ELMO1: variants seen among roughly 807,000 people sequenced by gnomAD.
ELMO1 encodes the protein engulfment and cell motility protein 1.
In ELMO1, 26 loss-of-function variants were observed where a neutral mutation model predicts 98.9. That is an observed-to-expected ratio of 0.26 (90% CI 0.19 to 0.36). The LOEUF (loss-of-function observed/expected upper bound fraction) is 0.36, where lower values mean the gene tolerates loss of function less well. Among genes scored for constraint, ELMO1 ranks in the 10% least tolerant of loss-of-function variants. The pLI is 1.00. For missense variants in ELMO1, 627 were observed against 935.2 expected (o/e 0.67, Z 4.30); for synonymous variants, 346 against 346.0 (o/e 1.00, Z 0.00).
At chr7:37,313,406 G>A in intron 4 of ELMO1, among the ~76,000 whole-genome samples, 1 of 152,098 alleles carries the variant, frequency 6.6e-6, no homozygotes, top group African/African-American at 2.4e-5. Flanking sequence ...TGTATTTTTA[G>A]TAGAGACGGG....
At chr7:37,069,661 T>C (rs1466288555) in intron 15 of ELMO1, among the ~76,000 whole-genome samples, 1 of 152,170 alleles carries the variant, frequency 6.6e-6, no homozygotes, top group Non-Finnish European at 1.5e-5. Flanking sequence ...AGCTCAATCT[T>C]TGGAAGAAAT....
intron 15 of ELMO1, among the ~76,000 whole-genome samples, chr7:37,062,991 A>C (rs1479048931): frequency 1.2e-4 from 18 of 152,188 alleles, no homozygotes. Flanking sequence ...CAGAGAGGGA[A>C]TAACAGACAC....
chr7:37,009,022 A>G (rs1297349323), intron 16 of ELMO1, among the ~76,000 whole-genome samples: 2 of 152,250 alleles, frequency 1.3e-5, no homozygotes, highest in Non-Finnish European at 2.9e-5. Flanking sequence ...AAACACTGCT[A>G]CACACAGACA....
At chr7:37,285,661 A>G (rs1050012820) in intron 4 of ELMO1, among the ~76,000 whole-genome samples, 2 of 152,194 alleles carry the variant, frequency 1.3e-5, no homozygotes, top group Non-Finnish European at 2.9e-5. Flanking sequence ...CATTGCCATC[A>G]CTTGCAACCT....
chr7:37,317,948 T>C (rs1181221364), intron 2 of ELMO1, among the ~76,000 whole-genome samples: 1 of 152,158 alleles, frequency 6.6e-6, no homozygotes, highest in Non-Finnish European at 1.5e-5. Context: ...CAAATACATA[T>C]ACCTACTAAG....
At chr7:37,172,487 AT>A (rs1361201219) in intron 13 of ELMO1, among the ~76,000 whole-genome samples, 1 of 152,192 alleles carries the variant, frequency 6.6e-6, no homozygotes, top group African/African-American at 2.4e-5. Flanking sequence ...CTGCATTCCT[AT>A]CCAAAAGGCC....
At chr7:37,249,956 T>C (rs1795247556) in intron 6 of ELMO1, among the ~76,000 whole-genome samples, 1 of 152,084 alleles carries the variant, frequency 6.6e-6, no homozygotes, top group African/African-American at 2.4e-5. Context: ...GTGGCACCTG[T>C]AGTCCCTACC....
chr7:37,229,921 A>G (rs1038437127), intron 8 of ELMO1, among the ~76,000 whole-genome samples: 2 of 152,156 alleles, frequency 1.3e-5, no homozygotes, highest in African/African-American at 4.8e-5. Context: ...ATTAATTTCA[A>G]TGAATGAAAA....
chr7:37,130,196 A>AC (rs1421402321), intron 14 of ELMO1, among the ~76,000 whole-genome samples: 1 of 151,602 alleles, frequency 6.6e-6, no homozygotes, highest in Non-Finnish European at 1.5e-5. Flanking sequence ...TTGTCTCTTC[A>AC]CCCCCCACCC....
chr7:37,152,537 A>G (rs1050985981), intron 13 of ELMO1, among the ~76,000 whole-genome samples: 1 of 152,068 alleles, frequency 6.6e-6, no homozygotes, highest in Non-Finnish European at 1.5e-5. Flanking sequence ...TTGTACAGCA[A>G]TGATCAAATA....
At chr7:36,863,490 T>C (rs771443258) in intron 20 of ELMO1, among the ~76,000 whole-genome samples, 3 of 152,206 alleles carry the variant, frequency 2.0e-5, no homozygotes, top group Non-Finnish European at 4.4e-5. Flanking sequence ...AGAGATGCTA[T>C]GCCTGAGATA....
rs536949383 is a variant in ELMO1, at chr7:37,028,554, ATTTG to A, written c.1301-15123_1301-15120del. 1.6e-4 allele frequency among the ~76,000 whole-genome samples: 25 copies of A among 151,862 alleles called. 1 individual carries two copies. In the South Asian group the frequency reaches 5.0e-3, roughly 30 times the overall value. On this transcript the variant is annotated intron_variant, in intron 15 of 21. Transcript: ENST00000310758. ...AGACTTTTCATTTCAAGGACTACTTATTTGTTTATTGGTTTTATAAATCCTGCTC... is the reference window on the plus strand; with the variant it reads ...AGACTTTTCATTTCAAGGACTACTTATTTATTGGTTTTATAAATCCTGCTC...
chr7:37,420,300 C>A (rs1031387118), intron 1 of ELMO1, among the ~76,000 whole-genome samples: 2 of 152,228 alleles, frequency 1.3e-5, no homozygotes, highest in Non-Finnish European at 2.9e-5. Flanking sequence ...AGGGGAAAAA[C>A]ACATTTTATA....
chr7:37,031,367 T>C (rs1434075788), intron 15 of ELMO1, among the ~76,000 whole-genome samples: 1 of 152,076 alleles, frequency 6.6e-6, no homozygotes, highest in Non-Finnish European at 1.5e-5. Flanking sequence ...AAGAAGAAAA[T>C]TTTGCATTTG....
At chr7:36,880,910 C>T (rs113171820) in intron 18 of ELMO1, among the ~76,000 whole-genome samples, 5 of 152,310 alleles carry the variant, frequency 3.3e-5, no homozygotes, top group Admixed American at 1.3e-4. Context: ...GGGTCTGCAG[C>T]GGACAGATTT....
intron 4 of ELMO1, among the ~76,000 whole-genome samples, chr7:37,302,412 G>A (rs893572258): frequency 2.6e-5 from 4 of 151,942 alleles, no homozygotes; most frequent in Non-Finnish European, 1.5e-5. Context: ...GCTTCTGCTT[G>A]GTTCTCTTCA....
At chr7:37,381,182 G>C (rs945016132) in intron 1 of ELMO1, among the ~76,000 whole-genome samples, 5 of 152,206 alleles carry the variant, frequency 3.3e-5, no homozygotes, top group African/African-American at 4.8e-5. Flanking sequence ...CTCAAATACA[G>C]AATCTGCCAA....
chr7:37,259,769 C>T (rs1795883896), intron 5 of ELMO1, among the ~76,000 whole-genome samples: 1 of 152,164 alleles, frequency 6.6e-6, no homozygotes, highest in Non-Finnish European at 1.5e-5. Context: ...TTATACAGCA[C>T]GCTCACCCGT....
chr7:37,231,381 C>T (rs561088874), intron 8 of ELMO1, among the ~76,000 whole-genome samples: 2 of 151,936 alleles, frequency 1.3e-5, no homozygotes, highest in South Asian at 4.2e-4. Context: ...CTACAGATGC[C>T]ACCTAATCAT....
Sources: gnomAD v4.1 joint callset for allele counts (sites outside exome capture counted in the v4.1 genomes callset) on GRCh38, gnomAD v4.1.1 for gene constraint, MANE v1.5 for transcripts, NCBI Gene and HGNC (gene_info 2026-07-23, HGNC 2026-07-21) for gene names.